Variants in ARAP1 observed in about 807,000 individuals in gnomAD.
ARAP1 encodes the protein ArfGAP with RhoGAP domain, ankyrin repeat and PH domain 1.
In ARAP1, 76 loss-of-function variants were observed where a neutral mutation model predicts 172.2. That is an observed-to-expected ratio of 0.44 (90% CI 0.37 to 0.53). The LOEUF is 0.53. ARAP1 is among the 20% of genes least tolerant of loss of function. ARAP1 has a pLI of 0.00. For missense variants in ARAP1, 1,686 were observed against 1,977.5 expected (o/e 0.85, Z 2.80); for synonymous variants, 804 against 803.3 (o/e 1.00, Z -0.01).
intron 3 of ARAP1, among the ~76,000 whole-genome samples, chr11:72,717,255 A>G (rs1463675228): frequency 6.6e-6 from 1 of 152,160 alleles, no homozygotes; most frequent in Non-Finnish European, 1.5e-5. Flanking sequence ...AGAGCCCAAG[A>G]GGAAGGCGCC....
chr11:72,692,546 T>A (rs986372050), intron 30 of ARAP1, among the ~76,000 whole-genome samples: 1 of 152,080 alleles, frequency 6.6e-6, no homozygotes, highest in African/African-American at 2.4e-5. Context: ...TAAGGAACCC[T>A]ATATTGGGGA....
At position 72,727,099 on chromosome 11, in the gene ARAP1, C is replaced by G. The variant is rs1015923848; in HGVS notation, c.30G>C (p.Ser10=). Residue 10 remains serine, a synonymous_variant, in exon 3 of 35, where the codon TCG becomes TCC. Coordinates refer to ENST00000393609, the MANE Select transcript of ARAP1 (RefSeq NM_001040118.3). MAEAGDAAL[S]VAEWLRALHL... Reference sequence around the variant, plus strand: ...GCAATGCCCGCAGCCACTCGGCCACCGATAGCGCAGCATCCCCAGCCTCTG... The same window carrying G: ...GCAATGCCCGCAGCCACTCGGCCACGGATAGCGCAGCATCCCCAGCCTCTG... 6.3e-7 allele frequency: 1 copy of G among 1,594,468 alleles called. No homozygotes were observed. Among genetic ancestry groups the G allele is most frequent in the Non-Finnish European group, 8.6e-7 (1 of 1,166,464 alleles).
At chr11:72,744,600 G>T (rs11235580) in intron 1 of ARAP1, among the ~76,000 whole-genome samples, 2 of 152,114 alleles carry the variant, frequency 1.3e-5, no homozygotes, top group Admixed American at 6.5e-5. Flanking sequence ...AGCCAGGGCC[G>T]CACGGGCAAG....
intron 13 of ARAP1, chr11:72,704,830 C>T (rs1269666899): frequency 1.3e-5 from 2 of 159,500 alleles, no homozygotes; most frequent in African/African-American, 4.8e-5. Context: ...TCATTCGGCT[C>T]CTCATTCCAC....
chr11:72,713,396 C>T (rs184330450), intron 4 of ARAP1, among the ~76,000 whole-genome samples, 153 bp from the exon 5 acceptor site: 2 of 152,234 alleles, frequency 1.3e-5, no homozygotes, highest in East Asian at 1.9e-4. Flanking sequence ...ACAGGAAGTG[C>T]GATTTATACC....
chr11:72,700,963 A>G (rs909887963), intron 16 of ARAP1, among the ~76,000 whole-genome samples: 1 of 152,132 alleles, frequency 6.6e-6, no homozygotes, highest in Non-Finnish European at 1.5e-5. Context: ...GCGCCATTGC[A>G]CTCCAGCCTG....
chr11:72,712,590 C>T (rs377132787), intron 5 of ARAP1, 22 bp from the exon 6 acceptor site: 39 of 1,610,174 alleles, frequency 2.4e-5, no homozygotes, highest in South Asian at 1.1e-4. Flanking sequence ...ACCCACTCAG[C>T]GTCATCCTTC....
In ARAP1 at chr11:72,695,379, G is replaced by A; in HGVS notation, c.3576+8C>T. 1.9e-6 allele frequency: 3 copies of A among 1,614,152 alleles called. No individual in the cohort carries two copies. The highest frequency in any genetic ancestry group is 2.5e-6 in the Non-Finnish European group (3 of 1,180,026). On this transcript the variant is annotated splice_region_variant and intron_variant, in intron 26 of 34. Coordinates refer to ENST00000393609, the MANE Select transcript of ARAP1 (RefSeq NM_001040118.3). This position sits in a 1 kb window ranked among gnomAD's most constrained non-coding sequence, Gnocchi z 4.4. Reference sequence around the variant, plus strand: ...CTAGCCCCTTGGCTTCTAGGTCCCAGCACCTACCTTGATATGCTGCTCAGT... The same window carrying A: ...CTAGCCCCTTGGCTTCTAGGTCCCAACACCTACCTTGATATGCTGCTCAGT...
At chr11:72,697,686 G>T in intron 19 of ARAP1, 37 bp from the exon 20 acceptor site, 2 of 1,612,360 alleles carry the variant, frequency 1.2e-6, no homozygotes, top group Non-Finnish European at 1.7e-6. Context: ...CCCAGGTCTT[G>T]CTCCTGATCC....
intron 3 of ARAP1, chr11:72,722,052 C>T: frequency 1.0e-6 from 1 of 985,600 alleles, no homozygotes; most frequent in Non-Finnish European, 1.2e-6. Flanking sequence ...TATGGCTTTG[C>T]ACCTGTGATT....
At chr11:72,707,398 T>A in intron 11 of ARAP1, 24 bp from the exon 12 acceptor site, 1 of 1,594,620 alleles carries the variant, frequency 6.3e-7, no homozygotes, top group Non-Finnish European at 8.6e-7. Context: ...GGTGGGGAGA[T>A]TAGTGGGGAT....
intron 1 of ARAP1, among the ~76,000 whole-genome samples, chr11:72,743,367 C>T (rs550396038): frequency 1.6e-3 from 243 of 152,320 alleles, no homozygotes; most frequent in African/African-American, 5.5e-3. Flanking sequence ...GAAGTGCCCC[C>T]ACCCCCAACC....
At chr11:72,685,838 C>T (rs750459736) in intron 34 of ARAP1, 157 bp from the exon 35 acceptor site, 2 of 1,338,150 alleles carry the variant, frequency 1.5e-6, no homozygotes, top group African/African-American at 1.5e-5. Context: ...GCAGAGGGGA[C>T]TCCCAGCTTC....
At chr11:72,692,606 G>T in intron 30 of ARAP1, 147 bp downstream of exon 30, 1 of 1,006,364 alleles carries the variant, frequency 9.9e-7, no homozygotes, top group Non-Finnish European at 1.5e-6. Context: ...TTAGGCCCCA[G>T]GATAGGGGCC....
intron 30 of ARAP1, chr11:72,688,808 A>T (rs1224402326): frequency 1.2e-5 from 5 of 427,656 alleles, no homozygotes; most frequent in African/African-American, 2.0e-5. Flanking sequence ...CAACTGGGAC[A>T]TCTGTAACAG....
At chr11:72,697,546 C>T in intron 20 of ARAP1, 52 bp downstream of exon 20, 1 of 1,613,252 alleles carries the variant, frequency 6.2e-7, no homozygotes, top group Non-Finnish European at 8.5e-7. Flanking sequence ...GTCCCCAGGC[C>T]CATCAGACTG....
Position 72,685,520 on chromosome 11 carries a change from G to T in ARAP1, c.*144C>A. 8.5e-7 allele frequency: 1 copy of T among 1,176,522 alleles called. No homozygotes were observed. The highest frequency in any genetic ancestry group is 1.2e-6 in the Non-Finnish European group (1 of 803,662). The allele number at this position is 1,176,522 out of a possible 1,614,324, so 72.9% of individuals were successfully genotyped here. ...CACCCCTGCCGGGGAACCCCATGCTGCAGTCAGGATGGAGGATGTGGGTTG... is the reference window on the plus strand; with the variant it reads ...CACCCCTGCCGGGGAACCCCATGCTTCAGTCAGGATGGAGGATGTGGGTTG... On this transcript the variant is annotated 3_prime_UTR_variant, in exon 35 of 35. Transcript: ENST00000393609.
In ARAP1 at chr11:72,710,015, G is replaced by A. The variant is rs1856939318; in HGVS notation, c.1417-39C>T. ...GGGACGGGATGAGGGCAAGGCTTTGGGGGCAGGGCGTGAGGCTTGGGACAG... is the reference window on the plus strand; with the variant it reads ...GGGACGGGATGAGGGCAAGGCTTTGAGGGCAGGGCGTGAGGCTTGGGACAG... On this transcript the variant is annotated intron_variant, in intron 10 of 34. Transcript: ENST00000393609. This position sits in a 1 kb window ranked among gnomAD's most constrained non-coding sequence, Gnocchi z 4.3. 1 of 1,566,118 alleles carries A rather than the reference G, an allele frequency of 6.4e-7. No individual in the cohort carries two copies. The highest frequency in any genetic ancestry group is 2.2e-5 in the East Asian group (1 of 44,594).
At chr11:72,737,454 G>A (rs1858065962) in intron 1 of ARAP1, among the ~76,000 whole-genome samples, 1 of 152,020 alleles carries the variant, frequency 6.6e-6, no homozygotes, top group Admixed American at 6.6e-5. Flanking sequence ...CAACTCCATG[G>A]TAATATCTCT....
Sources: allele counts gnomAD v4.1 joint callset (sites outside exome capture counted in the v4.1 genomes callset), GRCh38; gene constraint gnomAD v4.1.1; non-coding constraint Gnocchi (gnomAD v3.1); transcripts MANE v1.5; gene names NCBI Gene and HGNC (gene_info 2026-07-23, HGNC 2026-07-21).